The following MACROD1 variants were observed in gnomAD, a reference collection of about 807,000 sequenced individuals.
MACROD1 encodes ADP-ribose glycohydrolase MACROD1.
MACROD1 carries 31 observed loss-of-function variants against 41.4 expected under a neutral mutation model. The observed-to-expected ratio is 0.75, with a 90% CI of 0.56 to 1.01. MACROD1 has a LOEUF of 1.01. Ranked by LOEUF, MACROD1 falls within the 50% of genes least tolerant of loss-of-function variation. The probability of loss-of-function intolerance (pLI) is 0.00; values close to 1 mark genes in which losing one functional copy is unlikely to be tolerated. For missense variants in MACROD1, 473 were observed against 460.0 expected, an observed-to-expected ratio of 1.03 and a Z score of -0.26; for synonymous variants, 252 against 203.4, an observed-to-expected ratio of 1.24 and a Z score of -2.03.
intron 1 of MACROD1, among the ~76,000 whole-genome samples, chr11:64,159,372 T>C (rs1945718636): frequency 6.6e-6 from 1 of 150,414 alleles, no homozygotes; most frequent in African/African-American, 2.4e-5. Context: ...GGCACACACC[T>C]GTAATCCCAG....
intron 3 of MACROD1, among the ~76,000 whole-genome samples, chr11:64,105,194 G>A (rs970956425): frequency 1.5e-4 from 23 of 152,346 alleles, no homozygotes; most frequent in African/African-American, 5.1e-4. Context: ...GCGGGGCCGC[G>A]AGCGTGCCTG....
chr11:64,094,903 CTG>C (rs1408919897), intron 3 of MACROD1, among the ~76,000 whole-genome samples: 1 of 152,208 alleles, frequency 6.6e-6, no homozygotes, highest in Non-Finnish European at 1.5e-5. Flanking sequence ...CCATCTGGGC[CTG>C]TGTCCCAAGA....
At chr11:63,998,782 T>C in intron 10 of MACROD1, 56 bp downstream of exon 10, 1 of 1,449,850 alleles carries the variant, frequency 6.9e-7, no homozygotes. Context: ...GAGCGGGGGT[T>C]AGTGGGCGGG....
chr11:64,010,090 T>TTGGGGGGTTGGTTGGGGGGTTGGC (rs1565192898), intron 4 of MACROD1, among the ~76,000 whole-genome samples: 2 of 71,288 alleles, frequency 2.8e-5, no homozygotes, highest in Non-Finnish European at 3.5e-5. Context: ...AGGGTGTTGG[T>TTGGGGGGTTGGTTGGGGGGTTGGC]TGGGGTGTTG....
chr11:64,100,471 G>A (rs1184928006), intron 3 of MACROD1, among the ~76,000 whole-genome samples: 2 of 152,196 alleles, frequency 1.3e-5, no homozygotes, highest in African/African-American at 2.4e-5. Flanking sequence ...CTGTGGGAAC[G>A]GGGGAGGCCA....
chr11:64,162,919 G>A (rs1945778422), intron 1 of MACROD1, among the ~76,000 whole-genome samples: 1 of 152,058 alleles, frequency 6.6e-6, no homozygotes, highest in African/African-American at 2.4e-5. Context: ...CGGAGATCAA[G>A]ACCATCCTGA....
At chr11:64,000,078 G>A (rs146138734) in intron 5 of MACROD1, 149 bp downstream of exon 5, 3 of 659,932 alleles carry the variant, frequency 4.5e-6, no homozygotes, top group South Asian at 1.9e-5. Flanking sequence ...TGGGGTGTGC[G>A]GGGTGGGGGC....
At chr11:64,003,111 T>C (rs898334167) in intron 4 of MACROD1, among the ~76,000 whole-genome samples, 2 of 152,204 alleles carry the variant, frequency 1.3e-5, no homozygotes, top group African/African-American at 4.8e-5. Context: ...AGGTCAAAGA[T>C]GAAGCCTTCC....
At chr11:64,140,985 A>C (rs1458229863) in intron 3 of MACROD1, among the ~76,000 whole-genome samples, 1 of 152,038 alleles carries the variant, frequency 6.6e-6, no homozygotes, top group Non-Finnish European at 1.5e-5. Flanking sequence ...AAATACAAAA[A>C]TTAGCTGGGC....
At chr11:64,029,904 T>G (rs527340354) in intron 3 of MACROD1, among the ~76,000 whole-genome samples, 15 of 152,016 alleles carry the variant, frequency 9.9e-5, no homozygotes, top group Non-Finnish European at 1.8e-4. Flanking sequence ...CCTGAGTGTC[T>G]GGAAGGGATG....
chr11:64,089,252 G>T (rs1047094307), intron 3 of MACROD1, among the ~76,000 whole-genome samples: 3 of 152,204 alleles, frequency 2.0e-5, no homozygotes, highest in African/African-American at 7.2e-5. Context: ...GGCTCTGGGT[G>T]GGGGAGCAGG....
intron 1 of MACROD1, among the ~76,000 whole-genome samples, chr11:64,159,439 T>G (rs754333576): frequency 6.6e-6 from 1 of 151,708 alleles, no homozygotes; most frequent in African/African-American, 2.4e-5. Flanking sequence ...GAGGCTGCAG[T>G]GAGCCAAGAT....
intron 3 of MACROD1, among the ~76,000 whole-genome samples, chr11:64,069,782 G>T (rs1369476503): frequency 6.6e-6 from 1 of 152,218 alleles, no homozygotes; most frequent in Non-Finnish European, 1.5e-5. Context: ...TCCGCACGCT[G>T]CCGGCCACTG....
chr11:64,066,016 C>T (rs1476039910), intron 3 of MACROD1, among the ~76,000 whole-genome samples: 3 of 152,084 alleles, frequency 2.0e-5, no homozygotes, highest in Non-Finnish European at 4.4e-5. Flanking sequence ...TGAATTTAGG[C>T]CGGGTGTGGT....
chr11:64,070,673 G>C (rs1289634836), intron 3 of MACROD1, among the ~76,000 whole-genome samples: 1 of 151,834 alleles, frequency 6.6e-6, no homozygotes, highest in African/African-American at 2.4e-5. Context: ...CCAGCTGATC[G>C]GGGCAGATTT....
chr11:64,016,037 C>T (rs1023313873), intron 3 of MACROD1, among the ~76,000 whole-genome samples: 8 of 152,212 alleles, frequency 5.3e-5, no homozygotes, highest in Non-Finnish European at 8.8e-5. Context: ...AGCCCCGCTG[C>T]AGGAAGACCT....
chr11:64,082,528 G>A lies in MACROD1; in HGVS notation c.518-67247C>T, dbSNP rs78054537. The stretch of plus-strand genomic sequence containing the variant: ...GTGAAACAAGGCTCGGTGCCTAACG[G>A]TGGTGGCCGTGGGAGTCAGAGCTCC... On this transcript the variant is annotated intron_variant, in intron 3 of 10. Coordinates refer to ENST00000255681, the MANE Select transcript of MACROD1 (RefSeq NM_014067.4). The surrounding 1 kb of genome is among the most constrained non-coding windows in gnomAD (Gnocchi z 4.5). Among the ~76,000 whole-genome samples the A allele has an allele frequency of 1.3e-3, 196 of 152,228 alleles. 3 individuals carry two copies. The East Asian group carries it at 0.028, about 22-fold the overall frequency.
At chr11:64,133,952 G>C (rs921280882) in intron 3 of MACROD1, among the ~76,000 whole-genome samples, 1 of 152,252 alleles carries the variant, frequency 6.6e-6, no homozygotes, top group African/African-American at 2.4e-5. Flanking sequence ...GTCAGCCAAG[G>C]AAATGGAGGA....
At chr11:64,133,928 G>A (rs1945299007) in intron 3 of MACROD1, among the ~76,000 whole-genome samples, 1 of 152,254 alleles carries the variant, frequency 6.6e-6, no homozygotes, top group Non-Finnish European at 1.5e-5. Context: ...GCTGGGACCT[G>A]GAGGACGGTC....
Sources: allele counts gnomAD v4.1 joint callset (sites outside exome capture counted in the v4.1 genomes callset), GRCh38; gene constraint gnomAD v4.1.1; non-coding constraint Gnocchi (gnomAD v3.1); transcripts MANE v1.5; gene names NCBI Gene and HGNC (gene_info 2026-07-23, HGNC 2026-07-21).